ALK: variants seen among roughly 807,000 people sequenced by gnomAD.
ALK encodes the protein ALK tyrosine kinase receptor.
ALK carries 74 observed loss-of-function variants against 163.1 expected under a neutral mutation model. The observed-to-expected ratio is 0.45, with a 90% CI of 0.38 to 0.55. The LOEUF is 0.55. ALK is among the 20% of genes least tolerant of loss of function. The pLI, the probability that ALK is intolerant of heterozygous loss-of-function variation, is 0.00. For synonymous variants in ALK, 960 were observed against 843.2 expected (o/e 1.14, Z -2.40); for missense variants, 2,063 against 2,105.3 (o/e 0.98, Z 0.39).
intron 1 of ALK, among the ~76,000 whole-genome samples, chr2:29,749,889 C>T (rs980136423): frequency 6.6e-6 from 1 of 152,130 alleles, no homozygotes; most frequent in Non-Finnish European, 1.5e-5. Context: ...CTACCTGGAC[C>T]TATGGTAATC....
chr2:29,586,450 T>C (rs1290771941), intron 3 of ALK, among the ~76,000 whole-genome samples: 2 of 152,216 alleles, frequency 1.3e-5, no homozygotes, highest in Non-Finnish European at 2.9e-5. Flanking sequence ...ATATTATCTT[T>C]TAGGTCTCAA....
chr2:29,589,389 C>T (rs1674982315), intron 3 of ALK, among the ~76,000 whole-genome samples: 1 of 152,118 alleles, frequency 6.6e-6, no homozygotes, highest in Admixed American at 6.5e-5. Flanking sequence ...TCTAGTCCTA[C>T]CTCATGGGGA....
intron 3 of ALK, among the ~76,000 whole-genome samples, chr2:29,582,847 A>T (rs4666253): frequency 0.52 from 77,140 of 149,314 alleles, 20,348 homozygotes; most frequent in African/African-American, 0.63. Context: ...GTCAGAATTC[A>T]AACCCAGCAC....
intron 13 of ALK, among the ~76,000 whole-genome samples, chr2:29,234,863 C>T (rs1375092637): frequency 6.6e-6 from 1 of 152,250 alleles, no homozygotes; most frequent in Non-Finnish European, 1.5e-5. Context: ...CAGGTGCACA[C>T]CACCATGCCC....
chr2:29,664,996 T>C (rs1400595025), intron 3 of ALK, among the ~76,000 whole-genome samples: 1 of 146,098 alleles, frequency 6.8e-6, no homozygotes, highest in African/African-American at 2.7e-5. Context: ...CTTTTTTTTC[T>C]TTTTTTCTTT....
chr2:29,445,767 A>G (rs1670658913), intron 4 of ALK, among the ~76,000 whole-genome samples: 1 of 151,988 alleles, frequency 6.6e-6, no homozygotes. Context: ...AGTGGCAGTG[A>G]GCAGACACTG....
At chr2:29,396,178 C>T (rs965045307) in intron 4 of ALK, among the ~76,000 whole-genome samples, 8 of 152,100 alleles carry the variant, frequency 5.3e-5, no homozygotes, top group African/African-American at 4.8e-5. Context: ...CAAGCCCTCC[C>T]GTGCTGCTTA....
At chr2:29,217,172 CTGTGTGTTGTGTACA>C (rs1558619694) in intron 23 of ALK, among the ~76,000 whole-genome samples, 5 of 143,606 alleles carry the variant, frequency 3.5e-5, no homozygotes, top group African/African-American at 1.3e-4. Context: ...GTGTATATGT[CTGTGTGTTGTGTACA>C]TGTGTGGTGT....
chr2:29,736,424 T>C (rs1209929893), intron 1 of ALK, among the ~76,000 whole-genome samples: 1 of 152,024 alleles, frequency 6.6e-6, no homozygotes, highest in Non-Finnish European at 1.5e-5. Flanking sequence ...AAGTAAGCCA[T>C]GTTCATGCCA....
intron 25 of ALK, among the ~76,000 whole-genome samples, chr2:29,208,278 A>G (rs1478027665): frequency 1.3e-5 from 2 of 152,208 alleles, no homozygotes; most frequent in Non-Finnish European, 2.9e-5. Flanking sequence ...CCAGAAGACC[A>G]TTCCTGACCC....
chr2:29,377,861 C>T (rs188020303), intron 5 of ALK, among the ~76,000 whole-genome samples: 11 of 152,212 alleles, frequency 7.2e-5, no homozygotes, highest in Admixed American at 2.0e-4. Flanking sequence ...TAACTTCTCA[C>T]GGGTAAGGTG....
At chr2:29,231,375 A>G (rs1266895244) in intron 15 of ALK, among the ~76,000 whole-genome samples, 1 of 152,218 alleles carries the variant, frequency 6.6e-6, no homozygotes, top group Non-Finnish European at 1.5e-5. Context: ...CTCTATCACT[A>G]AACAGCTCGG....
intron 3 of ALK, among the ~76,000 whole-genome samples, chr2:29,589,735 C>T (rs1674993464): frequency 6.6e-6 from 1 of 152,114 alleles, no homozygotes; most frequent in Non-Finnish European, 1.5e-5. Flanking sequence ...TTACACTATC[C>T]CCATTTTATG....
rs899846873 is a variant in ALK, at chr2:29,752,506, T to C, written c.668-34809A>G. Among the ~76,000 whole-genome samples the C allele has an allele frequency of 5.9e-5, 9 of 151,650 alleles. No homozygotes were observed. In the East Asian group the frequency reaches 1.7e-3, roughly 29 times the overall value. ...CTGGGACTACAGGCACGCGCCACCATGCCCGGCTAATTTTTGTATTTTTAG... is the reference window on the plus strand; with the variant it reads ...CTGGGACTACAGGCACGCGCCACCACGCCCGGCTAATTTTTGTATTTTTAG... On this transcript the variant is annotated intron_variant, in intron 1 of 28. Coordinates refer to ENST00000389048, the MANE Select transcript of ALK (RefSeq NM_004304.5).
intron 3 of ALK, among the ~76,000 whole-genome samples, chr2:29,601,527 C>T (rs1675379968): frequency 6.6e-6 from 1 of 151,916 alleles, no homozygotes; most frequent in African/African-American, 2.4e-5. Context: ...ACTAACGGCT[C>T]CATTAATCTT....
chr2:29,222,039 C>A (rs1434100020), intron 22 of ALK, among the ~76,000 whole-genome samples: 1 of 152,292 alleles, frequency 6.6e-6, no homozygotes, highest in East Asian at 1.9e-4. Context: ...CAAAGTCTAG[C>A]ATGCTCCATT....
chr2:29,300,574 A>AAAAAG (rs1666340364), intron 8 of ALK, among the ~76,000 whole-genome samples: 1 of 138,764 alleles, frequency 7.2e-6, no homozygotes, highest in Non-Finnish European at 1.6e-5. Flanking sequence ...AAAAAAAAAA[A>AAAAAG]TGCATGTGCC....
intron 1 of ALK, among the ~76,000 whole-genome samples, chr2:29,867,491 A>G (rs189138541): frequency 4.9e-4 from 74 of 152,310 alleles, no homozygotes; most frequent in African/African-American, 1.7e-3. Context: ...TGCTGTGTTC[A>G]TGGTATTCAA....
chr2:29,255,500 G>A (rs925417544), intron 11 of ALK, among the ~76,000 whole-genome samples: 11 of 152,296 alleles, frequency 7.2e-5, no homozygotes, highest in African/African-American at 2.6e-4. Flanking sequence ...GATGAGACTT[G>A]TACATTAGTC....
Sources: gnomAD v4.1 joint callset for allele counts (sites outside exome capture counted in the v4.1 genomes callset) on GRCh38, gnomAD v4.1.1 for gene constraint, MANE v1.5 for transcripts, NCBI Gene and HGNC (gene_info 2026-07-23, HGNC 2026-07-21) for gene names.